CALCOCO2: variants seen among roughly 807,000 people sequenced by gnomAD.
The protein encoded by CALCOCO2 is calcium-binding and coiled-coil domain-containing protein 2.
Under a neutral mutation model 62.5 loss-of-function variants are expected in CALCOCO2, and 42 were observed. That is an observed-to-expected ratio of 0.67 (90% CI 0.53 to 0.87). The LOEUF is 0.87. CALCOCO2 is among the 40% of genes least tolerant of loss of function. The pLI, the probability that CALCOCO2 is intolerant of heterozygous loss-of-function variation, is 0.00. For synonymous variants in CALCOCO2, 167 were observed against 173.0 expected (o/e 0.97, Z 0.27); for missense variants, 456 against 515.0 (o/e 0.89, Z 1.11).
chr17:48,855,124 A>G (rs1018532383), intron 9 of CALCOCO2, among the ~76,000 whole-genome samples: 2 of 152,144 alleles, frequency 1.3e-5, no homozygotes, highest in Admixed American at 1.3e-4. Flanking sequence ...AAAAAGAGGG[A>G]TGTAGTGTAT....
In CALCOCO2 at chr17:48,860,260, G is replaced by T. The variant is rs184330876; in HGVS notation, c.1009-54G>T. ...GAGGGGCATCTCCTAGCCAGTTCCT[G>T]GTGGCCATTCTTGGTATTGTCTTTC... On this transcript the variant is annotated intron_variant, in intron 10 of 12. Coordinates refer to ENST00000258947, the MANE Select transcript of CALCOCO2 (RefSeq NM_005831.5). 3.6e-5 allele frequency: 55 copies of T among 1,536,374 alleles called. 1 individual carries two copies. In the East Asian group the frequency reaches 9.8e-4, roughly 27 times the overall value.
chr17:48,852,863 C>T (rs2040154122), intron 8 of CALCOCO2, 63 bp from the exon 9 acceptor site: 1 of 1,265,852 alleles, frequency 7.9e-7, no homozygotes, highest in Non-Finnish European at 1.2e-6. Context: ...CAGGCCCTTC[C>T]ATGGTGTGTG....
chr17:48,843,820 G>A (rs1179911501), intron 2 of CALCOCO2: 1 of 152,198 alleles, frequency 6.6e-6, no homozygotes, highest in Non-Finnish European at 1.5e-5. Context: ...GCTGCTACTA[G>A]CCACATGTGG....
intron 2 of CALCOCO2, chr17:48,846,060 C>CT: frequency 6.7e-7 from 1 of 1,485,274 alleles, no homozygotes; most frequent in Non-Finnish European, 9.1e-7. Flanking sequence ...CTATTCAACT[C>CT]CTCATCACCC....
At chr17:48,862,800 G>A in intron 12 of CALCOCO2, 38 bp from the exon 13 acceptor site, 1 of 1,584,258 alleles carries the variant, frequency 6.3e-7, no homozygotes, top group Non-Finnish European at 8.7e-7. Context: ...GCCACATATA[G>A]CTTACATTTG....
intron 1 of CALCOCO2, among the ~76,000 whole-genome samples, chr17:48,837,097 T>C (rs1415474124): frequency 2.6e-5 from 4 of 152,180 alleles, no homozygotes; most frequent in Non-Finnish European, 5.9e-5. Context: ...CTGAGTGTTC[T>C]TCATGATCCG....
intron 10 of CALCOCO2, among the ~76,000 whole-genome samples, chr17:48,859,775 T>A (rs1162385759): frequency 1.3e-5 from 2 of 152,146 alleles, no homozygotes; most frequent in Non-Finnish European, 2.9e-5. Flanking sequence ...TGTATTAATA[T>A]AAACAAAATG....
rs1294618619 is a variant in CALCOCO2 at position 48,863,170 on chromosome 17, G to A, written c.*165G>A. The stretch of plus-strand genomic sequence containing the variant: ...TTATGTCACTGATCTGAAGGTCACT[G>A]TTAAGGGCTTCTGCTGCCATCCTTG... On this transcript the variant is annotated 3_prime_UTR_variant, in exon 13 of 13. Transcript: ENST00000258947. 1.7e-6 allele frequency: 1 copy of A among 602,550 alleles called. No homozygotes were observed. The highest frequency in any genetic ancestry group is 1.9e-5 in the African/African-American group (1 of 53,920). 37.3% of individuals were successfully genotyped at this position (602,550 alleles called of 1,614,324 possible). A position where few individuals can be genotyped will look rare whatever the true frequency, so the allele number is the denominator to read the frequency against.
chr17:48,842,158 T>TC (rs201479135), intron 2 of CALCOCO2: 719 of 48,600 alleles, frequency 0.015, 6 homozygotes, highest in African/African-American at 0.053. Context: ...TCTTTTCTTT[T>TC]TTTTTTTTTT....
intron 2 of CALCOCO2, among the ~76,000 whole-genome samples, chr17:48,846,893 A>G (rs569457281): frequency 1.3e-5 from 2 of 152,322 alleles, no homozygotes; most frequent in South Asian, 4.1e-4. Flanking sequence ...TTGAAGACAC[A>G]ATAGCTTCCT....
Position 48,859,045 on chromosome 17 carries a change from CAAAAAAAAAAAAA to C in CALCOCO2, c.1009-1253_1009-1241del, listed in dbSNP as rs61643790. Among the ~76,000 whole-genome samples the C allele has an allele frequency of 1.2e-3, 41 of 35,650 alleles. 1 individual carries two copies. Among genetic ancestry groups the C allele is most frequent in the Admixed American group, 3.0e-3 (6 of 1,990 alleles). 23.4% of individuals were successfully genotyped at this position (35,650 alleles called of 152,430 possible). A position where few individuals can be genotyped will look rare whatever the true frequency, so the allele number is the denominator to read the frequency against. On this transcript the variant is annotated intron_variant, in intron 10 of 12. Transcript: ENST00000258947. Reference sequence around the variant, plus strand: ...TGGGCGACAGAGCAAGACTCTGTCTCAAAAAAAAAAAAAAAAAAAAAAAAAAAAGAACTGTAGT... The same window carrying C: ...TGGGCGACAGAGCAAGACTCTGTCTCAAAAAAAAAAAAAAAGAACTGTAGT...
At chr17:48,861,784 A>C (rs893231062) in intron 11 of CALCOCO2, among the ~76,000 whole-genome samples, 2 of 150,714 alleles carry the variant, frequency 1.3e-5, no homozygotes, top group African/African-American at 4.9e-5. Context: ...GTCGTGGCTC[A>C]CTCCTGTAAT....
chr17:48,861,632 T>C (rs915539126), intron 11 of CALCOCO2, among the ~76,000 whole-genome samples: 7 of 94,998 alleles, frequency 7.4e-5, no homozygotes, highest in Non-Finnish European at 1.2e-4. Context: ...ATAACATATA[T>C]ATATATGTAT....
intron 10 of CALCOCO2, among the ~76,000 whole-genome samples, chr17:48,859,527 A>G (rs887882620): frequency 2.0e-5 from 3 of 151,926 alleles, no homozygotes; most frequent in African/African-American, 7.2e-5. Flanking sequence ...GCTTGAGCCC[A>G]TGAGTTCAAG....
chr17:48,831,707 C>T (rs1271716810), intron 1 of CALCOCO2: 1 of 152,188 alleles, frequency 6.6e-6, no homozygotes, highest in Non-Finnish European at 1.5e-5. Flanking sequence ...GCTAATGTTC[C>T]CACTCGTATA....
At chr17:48,858,046 A>ATATAGAATAGAATAGAATAGAATAG in intron 10 of CALCOCO2, among the ~76,000 whole-genome samples, 2 of 40,038 alleles carry the variant, frequency 5.0e-5, no homozygotes, top group African/African-American at 9.3e-5. Flanking sequence ...ATAGAATAGA[A>ATATAGAATAGAATAGAATAGAATAG]AATAGAATAG....
Position 48,863,420 on chromosome 17 carries a change from C to T in CALCOCO2, c.*415C>T, listed in dbSNP as rs1470201137. The T allele has an allele frequency of 5.7e-6, 1 of 174,534 alleles. No homozygotes were observed. Among genetic ancestry groups the T allele is most frequent in the African/African-American group, 2.4e-5 (1 of 42,112 alleles). The allele number at this position is 174,534 out of a possible 1,614,324, so 10.8% of individuals were successfully genotyped here. ...CCTAACCCTGGGGCCAGAGATTGGT[C>T]CGAGGTTGAGAATTCCTTCCTCCTC... On this transcript the variant is annotated 3_prime_UTR_variant, in exon 13 of 13. Coordinates refer to ENST00000258947, the MANE Select transcript of CALCOCO2 (RefSeq NM_005831.5).
intron 7 of CALCOCO2, 104 bp from the exon 8 acceptor site, chr17:48,852,402 T>A: frequency 2.1e-6 from 2 of 972,226 alleles, no homozygotes; most frequent in Non-Finnish European, 3.1e-6. Context: ...CAGTTGGGAG[T>A]TGCTAGGGAA....
chr17:48,862,835 C>T lies in CALCOCO2; in HGVS notation c.1174-3C>T, dbSNP rs758462156. On this transcript the variant is annotated splice_polypyrimidine_tract_variant and splice_region_variant and intron_variant, in intron 12 of 12. Coordinates refer to ENST00000258947, the MANE Select transcript of CALCOCO2 (RefSeq NM_005831.5). ...GTACTGACCTCTTTGCTCTTCCTCC[C>T]AGCTCTCCATCAAGAAATGCCCTAT... The T allele has an allele frequency of 8.1e-6, 13 of 1,613,676 alleles. No individual in the cohort carries two copies. Among genetic ancestry groups the T allele is most frequent in the Non-Finnish European group, 9.3e-6 (11 of 1,179,734 alleles).
Sources: gnomAD v4.1 joint callset for allele counts (sites outside exome capture counted in the v4.1 genomes callset) on GRCh38, gnomAD v4.1.1 for gene constraint, MANE v1.5 for transcripts, NCBI Gene and HGNC (gene_info 2026-07-23, HGNC 2026-07-21) for gene names.